IL7: variants seen among roughly 807,000 people sequenced by gnomAD.
IL7 encodes interleukin-7.
Under a neutral mutation model 21.6 loss-of-function variants are expected in IL7, and 3 were observed. The ratio of observed to expected loss-of-function variants is 0.14; its 90% confidence interval spans 0.06 to 0.36. IL7 has a LOEUF of 0.36. Among genes scored for constraint, IL7 ranks in the 10% least tolerant of loss-of-function variants. IL7 has a pLI of 1.00. For missense variants in IL7, 175 were observed against 200.2 expected (o/e 0.87, Z 0.76); for synonymous variants, 62 against 68.1 (o/e 0.91, Z 0.44).
downstream of IL7, among the ~76,000 whole-genome samples, chr8:78,731,438 A>G (rs1811423126): frequency 6.6e-6 from 1 of 151,940 alleles, no homozygotes; most frequent in South Asian, 2.1e-4. Flanking sequence ...TCACAGCTAC[A>G]TGAATGAGTT....
chr8:78,756,829 A>C (rs1812364323), intron 2 of IL7, among the ~76,000 whole-genome samples: 1 of 151,512 alleles, frequency 6.6e-6, no homozygotes, highest in Non-Finnish European at 1.5e-5. Context: ...CAAGAAATAA[A>C]ATTTTGTTTT....
At chr8:78,675,856 T>A (rs1273770277) in exon 5 of IL7, 9 of 1,610,840 alleles carry the variant, frequency 5.6e-6, no homozygotes, top group Non-Finnish European at 7.6e-6. Flanking sequence ...TTCTTTCCAG[T>A]AGCATTAGTG....
chr8:78,761,318 T>A lies in IL7; in HGVS notation c.148-21236A>T. 4.3e-6 allele frequency: 7 copies of A among 1,611,676 alleles called. No individual in the cohort carries two copies. The South Asian group carries it at 7.7e-5, about 18-fold the overall frequency. On this transcript the variant is annotated intron_variant, in intron 2 of 5. Coordinates refer to ENST00000263851, the MANE Select transcript of IL7 (RefSeq NM_000880.4). ...AGATACTCCCATAACAGGTACTGAT[T>A]TTGCCAACCACATATTTAAGGCACA...
At chr8:78,782,585 T>C (rs1214503887) in intron 2 of IL7, among the ~76,000 whole-genome samples, 1 of 152,088 alleles carries the variant, frequency 6.6e-6, no homozygotes, top group Non-Finnish European at 1.5e-5. Flanking sequence ...GGCTTACTGC[T>C]CCTTCCTCTG....
rs372101883 is a variant in IL7 at position 78,704,176 on chromosome 8, G to C, written n.214+17172C>G. Among the ~76,000 whole-genome samples the C allele has an allele frequency of 1.4e-4, 21 of 152,134 alleles. 1 individual carries two copies. Among genetic ancestry groups the C allele is most frequent in the East Asian group, 5.8e-4 (3 of 5,168 alleles). ...GCGAGCGGATCACCTGAGGTCAGGA[G>C]TTCAAGACCAGCCTGACCAATGTGG... is the stretch of plus-strand genomic sequence containing the variant. On this transcript the variant is annotated intron_variant and non_coding_transcript_variant, in intron 3 of 4. Transcript: ENST00000523959.
chr8:78,803,235 G>A (rs1196896312), intron 1 of IL7, among the ~76,000 whole-genome samples: 1 of 152,086 alleles, frequency 6.6e-6, no homozygotes. Context: ...TAAGATCATG[G>A]CTCACGGCAG....
chr8:78,744,391 T>C (rs568232119), intron 2 of IL7, among the ~76,000 whole-genome samples: 26 of 152,280 alleles, frequency 1.7e-4, no homozygotes, highest in African/African-American at 5.5e-4. Context: ...TTGTGCTGTG[T>C]TGGGGGATCC....
At chr8:78,692,512 A>G (rs1223207205) in intron 3 of IL7, among the ~76,000 whole-genome samples, 1 of 152,162 alleles carries the variant, frequency 6.6e-6, no homozygotes, top group Non-Finnish European at 1.5e-5. Context: ...GGTAGGTAAT[A>G]TATAACAATT....
chr8:78,747,074 T>A (rs1289336998), intron 2 of IL7: 2 of 456,634 alleles, frequency 4.4e-6, no homozygotes, highest in Non-Finnish European at 8.8e-6. Context: ...TGTTCTTTTT[T>A]CTTTCTTTTT....
chr8:78,685,478 A>T (rs1302595642), intron 4 of IL7, among the ~76,000 whole-genome samples: 1 of 152,218 alleles, frequency 6.6e-6, no homozygotes. Flanking sequence ...ATAATTATGC[A>T]TAGTAAAAGA....
intron 3 of IL7, chr8:78,689,450 A>T (rs1308710501): frequency 7.3e-7 from 1 of 1,367,672 alleles, no homozygotes; most frequent in Admixed American, 2.6e-5. Context: ...TATGCTTTTC[A>T]TGACATTAGA....
chr8:78,797,815 A>G (rs1813912173), intron 2 of IL7: 3 of 291,880 alleles, frequency 1.0e-5, no homozygotes, highest in Non-Finnish European at 1.9e-5. Context: ...AATTATGCTT[A>G]CAAGAAATTT....
intron 4 of IL7, among the ~76,000 whole-genome samples, chr8:78,680,394 G>A (rs1428609957): frequency 1.3e-5 from 2 of 150,978 alleles, no homozygotes; most frequent in African/African-American, 2.4e-5. Context: ...AGCAGTAATA[G>A]TGGCAGTATT....
Position 78,745,245 on chromosome 8 carries a change from T to G in IL7, c.148-5163A>C, listed in dbSNP as rs536792137. Reference sequence around the variant, plus strand: ...TTAAATTACATTTTAAGTATCTTCTTTAGAAACACTAATTACATAAAAAAT... The same window carrying G: ...TTAAATTACATTTTAAGTATCTTCTGTAGAAACACTAATTACATAAAAAAT... On this transcript the variant is annotated intron_variant, in intron 2 of 5. Transcript: ENST00000263851. Among the ~76,000 whole-genome samples, 4 of 152,358 alleles carry G rather than the reference T, an allele frequency of 2.6e-5. No individual in the cohort carries two copies. The East Asian group carries it at 7.7e-4, about 29-fold the overall frequency.
chr8:78,762,184 T>C lies in IL7; in HGVS notation c.148-22102A>G, dbSNP rs1395044896. ...TGTTAAGATCAAATATTGTTGGTATTGCATTATCTCGAAGAACTGTCCTAT... is the reference window on the plus strand; with the variant it reads ...TGTTAAGATCAAATATTGTTGGTATCGCATTATCTCGAAGAACTGTCCTAT... On this transcript the variant is annotated intron_variant, in intron 2 of 5. Transcript: ENST00000263851. 13 of 1,593,390 alleles carry C rather than the reference T, an allele frequency of 8.2e-6. No homozygotes were observed. In the Admixed American group the frequency reaches 1.2e-4, roughly 14 times the overall value.
intron 1 of IL7, among the ~76,000 whole-genome samples, chr8:78,801,518 GAGCCATGGCCGTA>G (rs144088095): frequency 0.1 from 15,499 of 152,012 alleles, 850 homozygotes; most frequent in Middle Eastern, 0.14. Flanking sequence ...ATCTTACCGT[GAGCCATGGCCGTA>G]AGCCATGGCC....
intron 3 of IL7, among the ~76,000 whole-genome samples, chr8:78,696,357 A>C (rs1307820112): frequency 6.6e-6 from 1 of 152,106 alleles, no homozygotes; most frequent in East Asian, 1.9e-4. Flanking sequence ...TTTTCACATG[A>C]AATCTTGATA....
At chr8:78,678,344 T>C (rs1238315786) in intron 4 of IL7, among the ~76,000 whole-genome samples, 2 of 151,980 alleles carry the variant, frequency 1.3e-5, no homozygotes, top group African/African-American at 4.8e-5. Context: ...GTGTTTATAA[T>C]TTTTTTTAGT....
chr8:78,753,797 A>G (rs1812256124), intron 2 of IL7, among the ~76,000 whole-genome samples: 2 of 152,180 alleles, frequency 1.3e-5, no homozygotes, highest in South Asian at 4.1e-4. Context: ...GCATATGGCT[A>G]GCCAGTTTTC....
Sources: allele counts gnomAD v4.1 joint callset (sites outside exome capture counted in the v4.1 genomes callset), GRCh38; gene constraint gnomAD v4.1.1; transcripts MANE v1.5; gene names NCBI Gene and HGNC (gene_info 2026-07-23, HGNC 2026-07-21).